Variants in AUTS2 observed in about 807,000 individuals in gnomAD.
AUTS2 encodes autism susceptibility gene 2 protein.
In AUTS2, 17 loss-of-function variants were observed where a neutral mutation model predicts 112.4. The ratio of observed to expected loss-of-function variants is 0.15; its 90% CI spans 0.10 to 0.23. AUTS2 has a LOEUF of 0.23. AUTS2 is among the 10% of genes least tolerant of loss of function. The pLI, the probability that AUTS2 is intolerant of heterozygous loss-of-function variation, is 1.00. For synonymous variants in AUTS2, 751 were observed against 702.7 expected (o/e 1.07, Z -1.09); for missense variants, 1,510 against 1,701.6 (o/e 0.89, Z 1.98).
Position 70,764,896 on chromosome 7 carries a change from C to T in AUTS2, c.1359C>T (p.His453=), listed in dbSNP as rs770649701. 2 of 1,606,416 alleles carry T rather than the reference C, an allele frequency of 1.2e-6. No homozygotes were observed. Among genetic ancestry groups the T allele is most frequent in the Non-Finnish European group, 1.7e-6 (2 of 1,177,622 alleles). The part of the protein sequence containing the change: ...SFTPTLQPPA[H]SHHPNMFAPP... The stretch of plus-strand genomic sequence containing the variant: ...CACCCACCCTCCAGCCCCCCGCACA[C>T]TCACATCACCCCAATATGTTTGCCC... Residue 453 remains histidine (H), a synonymous_variant, in exon 8 of 19, where the codon CAC becomes CAT. Coordinates refer to ENST00000342771, the MANE Select transcript of AUTS2 (RefSeq NM_015570.4).
chr7:70,065,667 A>G (rs1802455837), intron 2 of AUTS2, among the ~76,000 whole-genome samples: 1 of 152,146 alleles, frequency 6.6e-6, no homozygotes, highest in Non-Finnish European at 1.5e-5. Flanking sequence ...ACTGCACTCC[A>G]GTCTGAGCAA....
At chr7:69,679,760 T>C (rs978713258) in intron 1 of AUTS2, among the ~76,000 whole-genome samples, 6 of 152,344 alleles carry the variant, frequency 3.9e-5, no homozygotes, top group Middle Eastern at 3.4e-3. Context: ...TAATTTATTT[T>C]GGGGAGTAGA....
intron 5 of AUTS2, among the ~76,000 whole-genome samples, chr7:70,460,070 T>C (rs574140342): frequency 2.7e-4 from 41 of 152,300 alleles, no homozygotes; most frequent in African/African-American, 9.4e-4. Flanking sequence ...GAGGCATCAC[T>C]TTCCATACCG....
chr7:69,880,245 A>AG (rs1349686616), intron 1 of AUTS2, among the ~76,000 whole-genome samples: 2 of 152,148 alleles, frequency 1.3e-5, no homozygotes, highest in Non-Finnish European at 2.9e-5. Context: ...GAGAACAGCA[A>AG]GGGGGAAATC....
At chr7:69,614,369 T>TTCTTTCTTTCTTTCTTTCTTTC (rs1793240837) in intron 1 of AUTS2, among the ~76,000 whole-genome samples, 1 of 25,102 alleles carries the variant, frequency 4.0e-5, no homozygotes, top group African/African-American at 1.0e-4. Flanking sequence ...TCTTTCTTTT[T>TTCTTTCTTTCTTTCTTTCTTTC]TTAAGAGATG....
intron 1 of AUTS2, among the ~76,000 whole-genome samples, chr7:69,782,614 C>T (rs1025322978): frequency 2.6e-5 from 4 of 151,632 alleles, no homozygotes; most frequent in Admixed American, 6.6e-5. Flanking sequence ...GGTATGCACT[C>T]GAGAACTGAA....
At chr7:70,589,586 C>T (rs941076613) in intron 5 of AUTS2, among the ~76,000 whole-genome samples, 3 of 152,080 alleles carry the variant, frequency 2.0e-5, no homozygotes, top group African/African-American at 4.8e-5. Context: ...CGGTGGCAGA[C>T]GCCTGTAATC....
intron 7 of AUTS2, among the ~76,000 whole-genome samples, chr7:70,764,105 T>TA (rs1324266249): frequency 6.6e-6 from 1 of 152,186 alleles, no homozygotes; most frequent in East Asian, 1.9e-4. Context: ...GTGTCTTTGT[T>TA]ACTGTTTTTC....
chr7:70,536,840 C>T (rs930174656), intron 5 of AUTS2, among the ~76,000 whole-genome samples: 19 of 152,074 alleles, frequency 1.2e-4, no homozygotes, highest in South Asian at 6.2e-4. Flanking sequence ...GTGGAGGTTG[C>T]GGTGAGCTGA....
intron 5 of AUTS2, among the ~76,000 whole-genome samples, chr7:70,447,405 CAG>C (rs1196332865): frequency 1.3e-5 from 2 of 152,180 alleles, no homozygotes; most frequent in East Asian, 3.8e-4. Flanking sequence ...TTCAGTGCTA[CAG>C]AGAGATAAAG....
At chr7:69,774,314 C>T (rs1297961854) in intron 1 of AUTS2, among the ~76,000 whole-genome samples, 2 of 152,172 alleles carry the variant, frequency 1.3e-5, no homozygotes, top group Admixed American at 6.5e-5. Flanking sequence ...GTAGGAGGAT[C>T]GCTTGAACCC....
At chr7:70,000,083 A>G (rs1426393594) in intron 2 of AUTS2, among the ~76,000 whole-genome samples, 1 of 152,234 alleles carries the variant, frequency 6.6e-6, no homozygotes, top group Non-Finnish European at 1.5e-5. Context: ...GCACACAAAC[A>G]TGCAAGATTC....
chr7:69,704,343 T>A (rs1027621680), intron 1 of AUTS2, among the ~76,000 whole-genome samples: 4 of 151,942 alleles, frequency 2.6e-5, no homozygotes, highest in Non-Finnish European at 5.9e-5. Context: ...GGTGGTGCGA[T>A]CTCTGCTCAC....
At chr7:70,479,611 G>A (rs1309141066) in intron 5 of AUTS2, among the ~76,000 whole-genome samples, 1 of 149,522 alleles carries the variant, frequency 6.7e-6, no homozygotes, top group Non-Finnish European at 1.5e-5. Flanking sequence ...AATCGCTTTT[G>A]CCATATATAA....
At chr7:70,667,112 C>T (rs747535657) in intron 5 of AUTS2, among the ~76,000 whole-genome samples, 2 of 151,944 alleles carry the variant, frequency 1.3e-5, no homozygotes, top group African/African-American at 2.4e-5. Context: ...CAATTTAGTA[C>T]TCAAAGGATT....
intron 4 of AUTS2, among the ~76,000 whole-genome samples, chr7:70,355,403 T>A (rs533428472): frequency 5.3e-5 from 8 of 152,178 alleles, no homozygotes; most frequent in Admixed American, 5.2e-4. Context: ...TGTTAAAGTG[T>A]CTCCAGAGGA....
At chr7:70,681,695 G>A (rs2129545265) in intron 5 of AUTS2, among the ~76,000 whole-genome samples, 1 of 152,194 alleles carries the variant, frequency 6.6e-6, no homozygotes, top group Middle Eastern at 3.4e-3. Flanking sequence ...CTGAGGAAGT[G>A]TTAAGTGAAT....
At chr7:69,924,208 T>G (rs1795920530) in intron 2 of AUTS2, among the ~76,000 whole-genome samples, 1 of 152,146 alleles carries the variant, frequency 6.6e-6, no homozygotes, top group South Asian at 2.1e-4. Context: ...ATGATTTTTC[T>G]TTTTTTGTTT....
intron 5 of AUTS2, among the ~76,000 whole-genome samples, chr7:70,460,345 T>G (rs1376366022): frequency 4.7e-5 from 6 of 128,010 alleles, no homozygotes; most frequent in Non-Finnish European, 1.0e-4. Context: ...GGTCTTTTTT[T>G]TTTTTTTTTT....
Sources: gnomAD v4.1 joint callset for allele counts (sites outside exome capture counted in the v4.1 genomes callset) on GRCh38, gnomAD v4.1.1 for gene constraint, MANE v1.5 for transcripts, NCBI Gene and HGNC (gene_info 2026-07-23, HGNC 2026-07-21) for gene names.